EXOC4: variants seen among roughly 807,000 people sequenced by gnomAD.
EXOC4 encodes the protein exocyst complex component 4, also known as SEC8-like 1.
In EXOC4, 71 loss-of-function variants were observed where a neutral mutation model predicts 107.2. The ratio of observed to expected loss-of-function variants is 0.66; its 90% CI spans 0.55 to 0.81. EXOC4 has a LOEUF of 0.81. EXOC4 is among the 30% of genes least tolerant of loss of function. The pLI is 0.00. For missense variants in EXOC4, 1,108 were observed against 1,189.6 expected (o/e 0.93, Z 1.01); for synonymous variants, 456 against 441.2 (o/e 1.03, Z -0.42).
chr7:133,483,965 T>C, intron 9 of EXOC4: 1 of 1,517,538 alleles, frequency 6.6e-7, no homozygotes, highest in Non-Finnish European at 9.1e-7. Flanking sequence ...TTGTTTCTTC[T>C]GTTAACACCA....
intron 9 of EXOC4, chr7:133,576,868 A>G (rs954710546): frequency 1.3e-5 from 17 of 1,289,462 alleles, no homozygotes; most frequent in Non-Finnish European, 1.7e-5. Context: ...AGATGAATTC[A>G]TCGGGTAATG....
intron 17 of EXOC4, among the ~76,000 whole-genome samples, chr7:134,012,345 A>G (rs755065161): frequency 7.2e-5 from 11 of 152,204 alleles, no homozygotes; most frequent in Admixed American, 2.0e-4. Context: ...TCAAAGCAAG[A>G]TGGTAGCATT....
At chr7:133,780,027 A>T (rs2151171865) in intron 10 of EXOC4, among the ~76,000 whole-genome samples, 1 of 152,264 alleles carries the variant, frequency 6.6e-6, no homozygotes, top group South Asian at 2.1e-4. Context: ...CAAACTCGGG[A>T]CACACCCTGA....
chr7:133,395,109 C>CTTTTTTTTTT (rs200545904), intron 7 of EXOC4, among the ~76,000 whole-genome samples: 1 of 130,886 alleles, frequency 7.6e-6, no homozygotes. Context: ...ATACTTTTGC[C>CTTTTTTTTTT]TTTTTTTTTT....
chr7:134,070,702 C>T (rs1200409116), downstream of EXOC4, among the ~76,000 whole-genome samples: 1 of 152,014 alleles, frequency 6.6e-6, no homozygotes, highest in Non-Finnish European at 1.5e-5. Context: ...CCCTGGGAAC[C>T]TAAGAACGCA....
At chr7:133,323,605 C>A (rs546833363) in intron 5 of EXOC4, among the ~76,000 whole-genome samples, 2 of 152,208 alleles carry the variant, frequency 1.3e-5, no homozygotes, top group Admixed American at 1.3e-4. Flanking sequence ...CTGCTGGATT[C>A]GGTTTGCCAA....
chr7:133,802,123 T>C (rs1482209742), intron 10 of EXOC4, among the ~76,000 whole-genome samples: 12 of 152,166 alleles, frequency 7.9e-5, no homozygotes, highest in African/African-American at 2.2e-4. Flanking sequence ...ATTTTTAGGA[T>C]GTGGTATAGA....
At chr7:133,552,238 A>T (rs574907274) in intron 9 of EXOC4, among the ~76,000 whole-genome samples, 7 of 152,264 alleles carry the variant, frequency 4.6e-5, no homozygotes, top group African/African-American at 1.7e-4. Context: ...CCTCATAAAA[A>T]TGCTTCTCTA....
At chr7:133,537,197 C>G (rs1800286488) in intron 9 of EXOC4, among the ~76,000 whole-genome samples, 1 of 151,754 alleles carries the variant, frequency 6.6e-6, no homozygotes, top group African/African-American at 2.4e-5. Flanking sequence ...GTCGCCCAAG[C>G]TGGAGTTCAG....
chr7:133,899,504 G>A (rs1799401448), intron 12 of EXOC4, among the ~76,000 whole-genome samples: 1 of 152,222 alleles, frequency 6.6e-6, no homozygotes. Context: ...ATTGGACATA[G>A]TTCTTTTCTC....
intron 9 of EXOC4, among the ~76,000 whole-genome samples, chr7:133,597,136 G>T (rs1801692527): frequency 6.6e-6 from 1 of 152,104 alleles, no homozygotes; most frequent in Admixed American, 6.5e-5. Context: ...CACCTTTATT[G>T]GTGTGGATTA....
intron 9 of EXOC4, among the ~76,000 whole-genome samples, chr7:133,495,793 C>A (rs148676260): frequency 1.3e-3 from 205 of 152,246 alleles, no homozygotes; most frequent in Non-Finnish European, 2.6e-3. Context: ...AGTTGTATTA[C>A]AAATGCACTA....
chr7:134,086,130 A>T, the EXOC4 span, among the ~76,000 whole-genome samples: 1 of 152,246 alleles, frequency 6.6e-6, no homozygotes, highest in African/African-American at 2.4e-5. Flanking sequence ...TTAACTGAGT[A>T]GGACTTCAGT....
chr7:133,415,016 A>G (rs577283591), intron 7 of EXOC4, among the ~76,000 whole-genome samples: 30 of 152,274 alleles, frequency 2.0e-4, no homozygotes, highest in Middle Eastern at 3.4e-3. Flanking sequence ...GACATTTCAT[A>G]TAAATGAAAT....
intron 10 of EXOC4, among the ~76,000 whole-genome samples, chr7:133,659,802 T>G (rs1463583396): frequency 6.6e-6 from 1 of 152,196 alleles, no homozygotes; most frequent in African/African-American, 2.4e-5. Flanking sequence ...TCCTCTTCTT[T>G]CCATTACATA....
chr7:133,641,656 C>T (rs1802857007), intron 10 of EXOC4, among the ~76,000 whole-genome samples: 2 of 152,206 alleles, frequency 1.3e-5, no homozygotes, highest in Non-Finnish European at 2.9e-5. Context: ...TTACTCTGTC[C>T]AGTGTGCTGA....
chr7:133,268,587 A>G (rs1793791496), intron 1 of EXOC4, among the ~76,000 whole-genome samples: 1 of 152,210 alleles, frequency 6.6e-6, no homozygotes, highest in African/African-American at 2.4e-5. Context: ...ATGGTGACTG[A>G]TTATTTTCCT....
chr7:133,814,160 C>G (rs918099711), intron 10 of EXOC4, among the ~76,000 whole-genome samples: 1 of 152,114 alleles, frequency 6.6e-6, no homozygotes, highest in East Asian at 1.9e-4. Context: ...CCCCTGCCTC[C>G]TATGGGTACT....
At chr7:134,050,956 G>C (rs1266697389) in intron 17 of EXOC4, among the ~76,000 whole-genome samples, 1 of 152,086 alleles carries the variant, frequency 6.6e-6, no homozygotes, top group East Asian at 1.9e-4. Flanking sequence ...AAGAGTGTAG[G>C]ATCTGTGATA....
Sources: gnomAD v4.1 joint callset for allele counts (sites outside exome capture counted in the v4.1 genomes callset) on GRCh38, gnomAD v4.1.1 for gene constraint, MANE v1.5 for transcripts, NCBI Gene and HGNC (gene_info 2026-07-23, HGNC 2026-07-21) for gene names.